Variants in GPHN observed in about 807,000 individuals in gnomAD.
The protein encoded by GPHN is gephyrin.
GPHN carries 17 observed loss-of-function variants against 95.5 expected under a neutral mutation model. The ratio of observed to expected loss-of-function variants is 0.18; its 90% CI spans 0.12 to 0.27. GPHN has a LOEUF of 0.27. Among genes scored for constraint, GPHN ranks in the 10% least tolerant of loss-of-function variants. The probability of loss-of-function intolerance (pLI) is 1.00; values close to 1 mark genes in which losing one functional copy is unlikely to be tolerated. For synonymous variants in GPHN, 320 were observed against 322.5 expected, an observed-to-expected ratio of 0.99 and a Z score of 0.08; for missense variants, 660 against 978.1, an observed-to-expected ratio of 0.67 and a Z score of 4.34.
intron 2 of GPHN, among the ~76,000 whole-genome samples, chr14:66,703,756 CATGATGACAG>C (rs1296608615): frequency 6.6e-6 from 1 of 152,128 alleles, no homozygotes; most frequent in Non-Finnish European, 1.5e-5. Context: ...CAGGTAGCAT[CATGATGACAG>C]GATCAAATTC....
intron 4 of GPHN, among the ~76,000 whole-genome samples, chr14:66,849,770 A>T (rs2062499179): frequency 6.6e-6 from 1 of 152,088 alleles, no homozygotes; most frequent in African/African-American, 2.4e-5. Context: ...TACTGATTGT[A>T]ACCACAAAGA....
chr14:67,586,440 G>C, the GPHN span: 1 of 1,309,602 alleles, frequency 7.6e-7, no homozygotes, highest in Non-Finnish European at 1.0e-6. Context: ...TCAAGGCAGG[G>C]CAGATTCCTC....
the GPHN span, among the ~76,000 whole-genome samples, chr14:67,259,069 G>T: frequency 6.8e-6 from 1 of 146,250 alleles, no homozygotes; most frequent in East Asian, 2.2e-4. Flanking sequence ...TCTCGAACTC[G>T]TGGCCTCAAG....
At chr14:67,411,168 A>C in the GPHN span, among the ~76,000 whole-genome samples, 7 of 149,980 alleles carry the variant, frequency 4.7e-5, no homozygotes, top group Non-Finnish European at 8.9e-5. Flanking sequence ...AGGTCAAATC[A>C]GGAAAAAATT....
intron 4 of GPHN, among the ~76,000 whole-genome samples, chr14:66,833,775 T>C (rs2061678377): frequency 6.6e-6 from 1 of 152,184 alleles, no homozygotes; most frequent in Non-Finnish European, 1.5e-5. Context: ...TGTTGATTTG[T>C]TGTCTGGAAA....
chr14:67,466,987 C>A, the GPHN span: 1 of 132,358 alleles, frequency 7.6e-6, no homozygotes, highest in Non-Finnish European at 1.6e-5. Flanking sequence ...AGAGGGGGAC[C>A]CAATCTCAAA....
chr14:67,557,467 C>T, the GPHN span: 1 of 1,570,738 alleles, frequency 6.4e-7, no homozygotes, highest in Non-Finnish European at 8.7e-7. Context: ...GACATCTGTA[C>T]TGCTGGCCCC....
chr14:67,323,029 T>C, the GPHN span, among the ~76,000 whole-genome samples: 1 of 152,178 alleles, frequency 6.6e-6, no homozygotes, highest in South Asian at 2.1e-4. Flanking sequence ...TGTATGATTC[T>C]AATTGCTCCA....
At chr14:67,073,179 T>C (rs1458750195) in intron 11 of GPHN, among the ~76,000 whole-genome samples, 1 of 152,116 alleles carries the variant, frequency 6.6e-6, no homozygotes, top group African/African-American at 2.4e-5. Flanking sequence ...AAAAGAAAAG[T>C]ACATGGTTCA....
the GPHN span, among the ~76,000 whole-genome samples, chr14:67,590,840 A>G: frequency 1.3e-5 from 2 of 152,234 alleles, no homozygotes; most frequent in Admixed American, 1.3e-4. Flanking sequence ...ATCTGTCTAA[A>G]TTTCATGAAC....
intron 3 of GPHN, among the ~76,000 whole-genome samples, chr14:66,818,942 T>TC (rs2061086781): frequency 6.6e-6 from 1 of 152,222 alleles, no homozygotes; most frequent in African/African-American, 2.4e-5. Context: ...ATGGGTTTTT[T>TC]CCCTGTAAAT....
chr14:67,685,072 G>C, the GPHN span: 4 of 1,614,180 alleles, frequency 2.5e-6, no homozygotes, highest in Non-Finnish European at 3.4e-6. Flanking sequence ...GTGCAGGCTG[G>C]TCTGGGCTCC....
chr14:67,302,054 T>TA, the GPHN span: 4 of 1,609,644 alleles, frequency 2.5e-6, no homozygotes, highest in Non-Finnish European at 1.7e-6. Flanking sequence ...TATGAAAGTA[T>TA]TGGCCAGTAT....
At position 66,928,196 on chromosome 14, in the gene GPHN, T is replaced by C. The variant is rs140560611; in HGVS notation, c.828+3904T>C. On this transcript the variant is annotated intron_variant, in intron 8 of 22. Transcript: ENST00000478722. ...TTGCTGGGAGACTTTTTATTATGGC[T>C]TCAATCTCATTACTTATTGCTGTAT... Among the ~76,000 whole-genome samples, 1,071 of 152,286 alleles carry C rather than the reference T, an allele frequency of 7.0e-3. 5 individuals are homozygous for C. The highest frequency in any genetic ancestry group is 0.025 in the African/African-American group (1,023 of 41,572).
downstream of GPHN, among the ~76,000 whole-genome samples, chr14:67,182,728 A>G (rs1198178292): frequency 6.6e-6 from 1 of 152,026 alleles, no homozygotes; most frequent in East Asian, 1.9e-4. Flanking sequence ...TATTTAATAT[A>G]TTTGATAATA....
intron 3 of GPHN, among the ~76,000 whole-genome samples, chr14:66,789,933 T>C (rs1220778879): frequency 3.3e-5 from 5 of 152,108 alleles, no homozygotes; most frequent in Non-Finnish European, 7.4e-5. Flanking sequence ...ATTTCTGATA[T>C]CCCAAAAAAT....
At chr14:67,267,074 C>T in the GPHN span, among the ~76,000 whole-genome samples, 1 of 151,890 alleles carries the variant, frequency 6.6e-6, no homozygotes, top group Admixed American at 6.6e-5. Flanking sequence ...TGCCACTGCA[C>T]TCCAGCCTGT....
In GPHN at chr14:66,571,971, G is replaced by C. The variant is rs138430001; in HGVS notation, c.64+63380G>C. Among the ~76,000 whole-genome samples the C allele has an allele frequency of 1.5e-3, 233 of 152,300 alleles. 9 individuals carry two copies. The East Asian group carries it at 0.016, about 10-fold the overall frequency. On this transcript the variant is annotated intron_variant, in intron 1 of 22. Transcript: ENST00000478722. ...GTATATGACGTGAGATAAAAGTCCA[G>C]ATTTATTCTACTGCATGTGGATTTT...
At chr14:67,073,661 G>A (rs1222449650) in intron 11 of GPHN, among the ~76,000 whole-genome samples, 1 of 152,052 alleles carries the variant, frequency 6.6e-6, no homozygotes, top group Non-Finnish European at 1.5e-5. Context: ...GCATCTTTTT[G>A]TACCACTAAA....
Sources: allele counts gnomAD v4.1 joint callset (sites outside exome capture counted in the v4.1 genomes callset), GRCh38; gene constraint gnomAD v4.1.1; transcripts MANE v1.5; gene names NCBI Gene and HGNC (gene_info 2026-07-23, HGNC 2026-07-21).